Variants in ZC3H3 observed in about 807,000 individuals in gnomAD.
The protein encoded by ZC3H3 is zinc finger CCCH domain-containing protein 3.
A neutral mutation model predicts 77.3 loss-of-function variants in ZC3H3; 36 were observed. The observed-to-expected ratio is 0.47, with a 90% CI of 0.36 to 0.61. ZC3H3 has a LOEUF of 0.61. Ranked by LOEUF, ZC3H3 falls within the 20% of genes least tolerant of loss-of-function variation. ZC3H3 has a pLI of 0.00. For missense variants in ZC3H3, 1,331 were observed against 1,312.2 expected, an observed-to-expected ratio of 1.01 and a Z score of -0.22; for synonymous variants, 626 against 555.2, an observed-to-expected ratio of 1.13 and a Z score of -1.79.
chr8:143,453,211 G>A (rs1257788774), intron 9 of ZC3H3, among the ~76,000 whole-genome samples: 1 of 152,116 alleles, frequency 6.6e-6, no homozygotes, highest in Non-Finnish European at 1.5e-5. Context: ...CTGAGTAGCT[G>A]GGACCACAGG....
In ZC3H3 at chr8:143,462,248, G is replaced by T. The variant is rs1055502247; in HGVS notation, c.2307+3469C>A. Among the ~76,000 whole-genome samples, 9 of 152,146 alleles carry T rather than the reference G, an allele frequency of 5.9e-5. No homozygotes were observed. The highest frequency in any genetic ancestry group is 1.9e-4 in the African/African-American group (8 of 41,428). On this transcript the variant is annotated intron_variant, in intron 9 of 11. Coordinates refer to ENST00000262577, the MANE Select transcript of ZC3H3 (RefSeq NM_015117.3). The surrounding 1 kb of genome is among the most constrained non-coding windows in gnomAD (Gnocchi z 4.7). ...CGACTGTATATAAAAGGAGACTGAG[G>T]CCAGAGGAGGAAGTAACCGTGCAGG...
At position 143,541,380 on chromosome 8, in the gene ZC3H3, C is replaced by T. The variant is rs763849993; in HGVS notation, c.42G>A (p.Leu14=). The T allele has an allele frequency of 2.5e-6, 4 of 1,611,542 alleles. No individual in the cohort carries two copies. Among genetic ancestry groups the T allele is most frequent in the Non-Finnish European group, 3.4e-6 (4 of 1,179,404 alleles). ...CCCGGCCCCGGCCGGACCTACCCTG[C>T]AGTAGGCGGATCTGCCGCCGTAATA... ...KEILRRQIRL[L]QGLIDDYKTL... is the part of the protein sequence containing the mutation. The change falls in exon 1 of 12, where the codon CTG becomes CTA. Residue 14 remains leucine (L), a synonymous_variant. Coordinates refer to ENST00000262577, the MANE Select transcript of ZC3H3 (RefSeq NM_015117.3).
At chr8:143,500,927 C>T (rs1021698756) in intron 4 of ZC3H3, among the ~76,000 whole-genome samples, 2 of 151,858 alleles carry the variant, frequency 1.3e-5, no homozygotes, top group African/African-American at 4.8e-5. Flanking sequence ...GTTCTCCGGC[C>T]TCAGCCTCCC....
At chr8:143,503,298 C>T (rs1821583036) in intron 4 of ZC3H3, among the ~76,000 whole-genome samples, 1 of 152,166 alleles carries the variant, frequency 6.6e-6, no homozygotes, top group Non-Finnish European at 1.5e-5. Context: ...TTTTCTCCTC[C>T]CACCCTCTGC....
intron 9 of ZC3H3, among the ~76,000 whole-genome samples, 169 bp downstream of exon 9, chr8:143,465,548 G>C (rs189016494): frequency 6.6e-6 from 1 of 152,188 alleles, no homozygotes; most frequent in South Asian, 2.1e-4. Context: ...GTGCAACCCC[G>C]GGAAAGTTGC....
intron 3 of ZC3H3, among the ~76,000 whole-genome samples, chr8:143,517,010 G>A (rs1011507017): frequency 9.2e-5 from 14 of 152,176 alleles, no homozygotes; most frequent in Middle Eastern, 3.2e-3. Flanking sequence ...ACTACCTGGT[G>A]TTTAATGACA....
intron 9 of ZC3H3, among the ~76,000 whole-genome samples, chr8:143,465,346 C>T (rs968297696): frequency 5.3e-5 from 8 of 152,116 alleles, no homozygotes; most frequent in African/African-American, 1.9e-4. Flanking sequence ...TGCAGCCCTG[C>T]GGGCTCCCTG....
At chr8:143,514,075 C>T (rs187270049) in intron 3 of ZC3H3, among the ~76,000 whole-genome samples, 27 of 152,328 alleles carry the variant, frequency 1.8e-4, no homozygotes, top group Non-Finnish European at 3.2e-4. Context: ...CACTTCCACA[C>T]GCTAGGTCCT....
intron 3 of ZC3H3, among the ~76,000 whole-genome samples, chr8:143,529,964 G>A (rs559626600): frequency 6.6e-6 from 1 of 152,342 alleles, no homozygotes; most frequent in African/African-American, 2.4e-5. Context: ...TTCTGCCAGT[G>A]AGCTGGGGTG....
chr8:143,482,472 A>T (rs1820932381), intron 4 of ZC3H3, among the ~76,000 whole-genome samples: 1 of 152,138 alleles, frequency 6.6e-6, no homozygotes, highest in African/African-American at 2.4e-5. Context: ...AGAGGTCCTA[A>T]GGGAGGAGTG....
chr8:143,474,021 G>A (rs1820653440), intron 5 of ZC3H3, among the ~76,000 whole-genome samples: 1 of 152,176 alleles, frequency 6.6e-6, no homozygotes, highest in African/African-American at 2.4e-5. Flanking sequence ...CTGGGTGACA[G>A]GAAGGCCTAT....
At chr8:143,531,734 T>C (rs960966938) in intron 3 of ZC3H3, among the ~76,000 whole-genome samples, 3 of 152,212 alleles carry the variant, frequency 2.0e-5, no homozygotes, top group Admixed American at 2.0e-4. Context: ...ATTCTCCCTT[T>C]TCCTGAACTG....
At chr8:143,526,461 A>G (rs140419916) in intron 3 of ZC3H3, among the ~76,000 whole-genome samples, 1 of 152,342 alleles carries the variant, frequency 6.6e-6, no homozygotes, top group Admixed American at 6.5e-5. Context: ...CTTCCTTCCC[A>G]TCAGGACCCC....
At chr8:143,518,535 C>T (rs1822135366) in intron 3 of ZC3H3, among the ~76,000 whole-genome samples, 1 of 152,270 alleles carries the variant, frequency 6.6e-6, no homozygotes, top group Non-Finnish European at 1.5e-5. Flanking sequence ...CCAGGACTCC[C>T]CGGCCACATG....
chr8:143,501,652 G>A (rs1452517945), intron 4 of ZC3H3, among the ~76,000 whole-genome samples: 2 of 151,562 alleles, frequency 1.3e-5, no homozygotes, highest in East Asian at 1.9e-4. Flanking sequence ...GCCTGGCCAC[G>A]GGGCGCTGGT....
At chr8:143,505,158 T>C (rs1436021377) in intron 4 of ZC3H3, among the ~76,000 whole-genome samples, 1 of 152,102 alleles carries the variant, frequency 6.6e-6, no homozygotes, top group Non-Finnish European at 1.5e-5. Context: ...CGCCAGCCCC[T>C]CCAGGGATGG....
At chr8:143,449,227 C>T (rs2129810610) in intron 9 of ZC3H3, among the ~76,000 whole-genome samples, 1 of 152,374 alleles carries the variant, frequency 6.6e-6, no homozygotes, top group African/African-American at 2.4e-5. Flanking sequence ...TTTAGTCACA[C>T]AAATTTCTAT....
Position 143,538,946 on chromosome 8 carries a change from C to G in ZC3H3, c.421G>C (p.Ala141Pro), listed in dbSNP as rs1410132375. 1 of 1,612,924 alleles carries G rather than the reference C, an allele frequency of 6.2e-7. No individual in the cohort carries two copies. The highest frequency in any genetic ancestry group is 1.3e-5 in the African/African-American group (1 of 74,948). Residue 141 changes from alanine (A) to proline (P), a missense_variant, in exon 2 of 12, where the codon GCC (alanine) becomes CCC (proline). Around this residue, in one of 3 missense-constraint regions of ZC3H3, gnomAD observed 978 missense variants for 915.5 expected, o/e 1.07. Transcript: ENST00000262577. ...AATTCTTCCAAAGAGCCCCGCTGGG[C>G]CCCTGAGGCACTGGCAGAGCCAGAC... ...SKSGSASASG[A>P]QRGSLEEFEE...
At chr8:143,468,570 T>G in intron 6 of ZC3H3, 30 bp from the exon 7 acceptor site, 1 of 1,597,838 alleles carries the variant, frequency 6.3e-7, no homozygotes. Flanking sequence ...TGCGTGAGCC[T>G]GAGGGCGAGC....
Sources: gnomAD v4.1 joint callset for allele counts (sites outside exome capture counted in the v4.1 genomes callset) on GRCh38, gnomAD v4.1.1 for gene constraint, gnomAD v4.1.1 regional missense constraint, Gnocchi (gnomAD v3.1) non-coding constraint, MANE v1.5 for transcripts, NCBI Gene and HGNC (gene_info 2026-07-23, HGNC 2026-07-21) for gene names.